ELP1: variants seen among roughly 807,000 people sequenced by gnomAD.
ELP1 encodes the protein elongator complex protein 1.
ELP1 carries 131 observed loss-of-function variants against 183.2 expected under a neutral mutation model. That is an observed-to-expected ratio of 0.72 (90% CI 0.62 to 0.83). The LOEUF (loss-of-function observed/expected upper bound fraction) is 0.83, where lower values mean the gene tolerates loss of function less well. ELP1 is among the 40% of genes least tolerant of loss of function. ELP1 has a pLI of 0.00. For synonymous variants in ELP1, 555 were observed against 569.0 expected (o/e 0.98, Z 0.35); for missense variants, 1,550 against 1,594.9 (o/e 0.97, Z 0.48).
intron 9 of ELP1, 112 bp from the exon 10 acceptor site, chr9:108,916,409 T>G: frequency 1.8e-4 from 148 of 816,564 alleles, no homozygotes; most frequent in Non-Finnish European, 2.8e-4. Flanking sequence ...CCTGAGCTCA[T>G]CCCTAGCTGT....
intron 10 of ELP1, among the ~76,000 whole-genome samples, chr9:108,915,884 C>T (rs1829412980): frequency 6.6e-6 from 1 of 151,998 alleles, no homozygotes; most frequent in Admixed American, 6.6e-5. Flanking sequence ...CTTTTCATAT[C>T]TGAGTGTTCT....
intron 14 of ELP1, 24 bp from the exon 15 acceptor site, chr9:108,903,693 G>C: frequency 6.5e-7 from 1 of 1,534,170 alleles, no homozygotes; most frequent in Non-Finnish European, 9.0e-7. Flanking sequence ...GGAGAAGGGA[G>C]TGTAAACAGA....
rs534418459 is a variant in ELP1 at position 108,876,797 on chromosome 9, T to C, written c.3855+1198A>G. Among the ~76,000 whole-genome samples, 438 of 150,880 alleles carry C rather than the reference T, an allele frequency of 2.9e-3. 2 individuals are homozygous for C. Among genetic ancestry groups the C allele is most frequent in the Non-Finnish European group, 4.5e-3 (304 of 67,820 alleles). On this transcript the variant is annotated intron_variant, in intron 35 of 36. Coordinates refer to ENST00000374647, the MANE Select transcript of ELP1 (RefSeq NM_003640.5). ...CCCAGGTTGGAGTACAATGGCACGA[T>C]CTTGGCTCATCACAACCTCTGTCTC...
rs1470979398 is a variant in ELP1 at position 108,877,736 on chromosome 9, G to C, written c.3855+259C>G. Among the ~76,000 whole-genome samples, 3 of 152,152 alleles carry C rather than the reference G, an allele frequency of 2.0e-5. 1 individual carries two copies. The highest frequency in any genetic ancestry group is 2.0e-4 in the Admixed American group (3 of 15,272). On this transcript the variant is annotated intron_variant, in intron 35 of 36. Transcript: ENST00000374647. Reference sequence around the variant, plus strand: ...CTCATTGAAGGCCAGGAGCAATCATGTGACTTTCCCATTTTCTCCATGACA... The same window carrying C: ...CTCATTGAAGGCCAGGAGCAATCATCTGACTTTCCCATTTTCTCCATGACA...
At chr9:108,889,504 T>G in intron 28 of ELP1, 111 bp from the exon 29 acceptor site, 1 of 970,678 alleles carries the variant, frequency 1.0e-6, no homozygotes, top group Non-Finnish European at 1.6e-6. Context: ...TCTGAATTTC[T>G]GTGAGGGAAT....
intron 6 of ELP1, among the ~76,000 whole-genome samples, 173 bp downstream of exon 6, chr9:108,922,669 G>GA (rs1231498108): frequency 1.3e-5 from 2 of 151,968 alleles, no homozygotes; most frequent in East Asian, 1.9e-4. Flanking sequence ...CAATAACAAG[G>GA]AAAAAAAGGA....
chr9:108,905,759 T>C (rs897387043), intron 14 of ELP1, among the ~76,000 whole-genome samples: 1 of 152,122 alleles, frequency 6.6e-6, no homozygotes, highest in Non-Finnish European at 1.5e-5. Context: ...GGGTATGGCC[T>C]ATTGCTACCA....
intron 4 of ELP1, among the ~76,000 whole-genome samples, 193 bp downstream of exon 4, chr9:108,927,179 A>T (rs540207555): frequency 6.6e-6 from 1 of 152,148 alleles, no homozygotes; most frequent in South Asian, 2.1e-4. Flanking sequence ...TCAGTCACCA[A>T]AAAAAAATCA....
chr9:108,908,610 C>T (rs1829103113), intron 12 of ELP1, among the ~76,000 whole-genome samples: 1 of 152,216 alleles, frequency 6.6e-6, no homozygotes, highest in African/African-American at 2.4e-5. Context: ...CTCAGCAAGA[C>T]CAGGTGAAGG....
At chr9:108,925,395 A>G (rs1238539481) in intron 5 of ELP1, among the ~76,000 whole-genome samples, 1 of 152,200 alleles carries the variant, frequency 6.6e-6, no homozygotes, top group African/African-American at 2.4e-5. Context: ...TTTCTATGAA[A>G]TAACCCTCCC....
intron 16 of ELP1, 141 bp from the exon 17 acceptor site, chr9:108,901,822 T>G: frequency 2.4e-6 from 2 of 823,214 alleles, no homozygotes; most frequent in Non-Finnish European, 4.1e-6. Context: ...ACCTAAGACG[T>G]GGCTGGTCCA....
intron 10 of ELP1, among the ~76,000 whole-genome samples, chr9:108,915,568 A>C (rs1214240194): frequency 6.6e-6 from 1 of 152,174 alleles, no homozygotes; most frequent in Non-Finnish European, 1.5e-5. Flanking sequence ...CCAGCCTGCC[A>C]ACCTGCCCCC....
intron 3 of ELP1, among the ~76,000 whole-genome samples, 158 bp downstream of exon 3, chr9:108,929,611 G>A (rs959393028): frequency 6.6e-6 from 1 of 152,170 alleles, no homozygotes; most frequent in African/African-American, 2.4e-5. Context: ...TATAGATAAA[G>A]CCATGTTAAC....
At position 108,927,897 on chromosome 9, in the gene ELP1, G is replaced by A. The variant is rs538906642; in HGVS notation, c.304-444C>T. On this transcript the variant is annotated intron_variant, in intron 3 of 36. Coordinates refer to ENST00000374647, the MANE Select transcript of ELP1 (RefSeq NM_003640.5). ...TGGTTACCAGAGGCTGGGAAGGGTA[G>A]TGAGGGGCTGAGGGAAGTTGGGATG... is the stretch of plus-strand genomic sequence containing the variant. Among the ~76,000 whole-genome samples the A allele has an allele frequency of 4.6e-5, 7 of 152,322 alleles. No individual in the cohort carries two copies. The East Asian group carries it at 1.3e-3, about 29-fold the overall frequency.
chr9:108,897,576 T>C (rs1291709687), intron 22 of ELP1, among the ~76,000 whole-genome samples: 2 of 151,894 alleles, frequency 1.3e-5, no homozygotes, highest in Non-Finnish European at 2.9e-5. Flanking sequence ...TACTGACCAA[T>C]AAAAAAAGAA....
intron 6 of ELP1, 33 bp from the exon 7 acceptor site, chr9:108,919,382 G>A: frequency 1.4e-6 from 2 of 1,412,928 alleles, no homozygotes; most frequent in Non-Finnish European, 1.0e-6. Flanking sequence ...ATATTACTGG[G>A]GGACCTTAAG....
chr9:108,896,784 A>G, intron 24 of ELP1, 140 bp from the exon 25 acceptor site: 1 of 1,040,826 alleles, frequency 9.6e-7, no homozygotes, highest in Non-Finnish European at 1.5e-6. Context: ...ATACTTTTAT[A>G]TATGCTTTAG....
At chr9:108,926,276 C>A (rs1205733636) in intron 5 of ELP1, among the ~76,000 whole-genome samples, 7 of 152,196 alleles carry the variant, frequency 4.6e-5, no homozygotes, top group African/African-American at 1.7e-4. Flanking sequence ...GAAAGCCCAG[C>A]CTAAGACTTT....
rs147190076 is a variant in ELP1, at chr9:108,881,577, G to C, written c.3346+128C>G. 436 of 669,932 alleles carry C rather than the reference G, an allele frequency of 6.5e-4. 2 individuals carry two copies. The African/African-American group carries it at 7.3e-3, about 11-fold the overall frequency. The allele number at this position is 669,932 out of a possible 1,614,324, so 41.5% of individuals were successfully genotyped here. On this transcript the variant is annotated intron_variant, in intron 31 of 36. Coordinates refer to ENST00000374647, the MANE Select transcript of ELP1 (RefSeq NM_003640.5). ...TAGTGAGAATTAAATATTATATCCA[G>C]GTGGTAATTTTGATTGAGTCTACAT...
Sources: allele counts gnomAD v4.1 joint callset (sites outside exome capture counted in the v4.1 genomes callset), GRCh38; gene constraint gnomAD v4.1.1; transcripts MANE v1.5; gene names NCBI Gene and HGNC (gene_info 2026-07-23, HGNC 2026-07-21).